The following ELAVL4 variants were observed in gnomAD, a reference collection of about 807,000 sequenced individuals.
ELAVL4 encodes the protein ELAV like RNA binding protein 4.
Under a neutral mutation model 35.6 loss-of-function variants are expected in ELAVL4, and 1 was observed. The ratio of observed to expected loss-of-function variants is 0.03; its 90% confidence interval spans 0.01 to 0.13. The LOEUF (loss-of-function observed/expected upper bound fraction) is 0.13. Ranked by LOEUF, ELAVL4 falls within the 10% of genes least tolerant of loss-of-function variation. The pLI is 1.00. For synonymous variants in ELAVL4, 156 were observed against 171.0 expected (o/e 0.91, Z 0.69); for missense variants, 267 against 464.9 (o/e 0.57, Z 3.91).
At chr1:50,098,766 G>A (rs990270382) in intron 1 of ELAVL4, among the ~76,000 whole-genome samples, 4 of 152,184 alleles carry the variant, frequency 2.6e-5, no homozygotes, top group African/African-American at 4.8e-5. Flanking sequence ...GTGGAGAGTT[G>A]CCTCTTTCTG....
intron 1 of ELAVL4, among the ~76,000 whole-genome samples, chr1:50,096,396 A>G (rs1665717808): frequency 6.7e-6 from 1 of 148,660 alleles, no homozygotes; most frequent in Non-Finnish European, 1.5e-5. Context: ...CAGAGAAGGC[A>G]TTCTAGATGG....
chr1:50,064,394 C>T (rs957969128), intron 1 of ELAVL4, among the ~76,000 whole-genome samples: 1 of 152,100 alleles, frequency 6.6e-6, no homozygotes, highest in African/African-American at 2.4e-5. Flanking sequence ...GCCCTTTTCT[C>T]TATCTTTTTT....
chr1:50,199,234 G>A (rs1304544425), intron 6 of ELAVL4, among the ~76,000 whole-genome samples: 1 of 152,158 alleles, frequency 6.6e-6, no homozygotes, highest in Non-Finnish European at 1.5e-5. Context: ...CCAAATTCTA[G>A]TTAGATACAG....
At chr1:50,197,322 T>C (rs1007533099) in intron 5 of ELAVL4, 107 bp from the exon 6 acceptor site, 5 of 1,188,140 alleles carry the variant, frequency 4.2e-6, no homozygotes, top group Non-Finnish European at 4.6e-6. Context: ...GTGGGGAAAG[T>C]TGTTGAGCTT....
chr1:50,117,135 G>A lies in ELAVL4; in HGVS notation c.9+7937G>A, dbSNP rs146365170. Among the ~76,000 whole-genome samples, 72 of 152,104 alleles carry A rather than the reference G, an allele frequency of 4.7e-4. No homozygotes were observed. The East Asian group carries it at 0.012, about 26-fold the overall frequency. On this transcript the variant is annotated intron_variant, in intron 1 of 6. Coordinates refer to ENST00000371824, the MANE Select transcript of ELAVL4 (RefSeq NM_001144774.3). ...TTTATTTTGGAGTTTCTCTGTTTTA[G>A]GTGACTTTGGGGGAGGATAACTTTC...
intron 3 of ELAVL4, among the ~76,000 whole-genome samples, chr1:50,182,943 C>T (rs921619555): frequency 2.0e-5 from 3 of 151,738 alleles, no homozygotes; most frequent in South Asian, 2.1e-4. Flanking sequence ...CCATAACCTC[C>T]ACCTCCCGGG....
intron 1 of ELAVL4, among the ~76,000 whole-genome samples, chr1:50,139,696 G>A (rs557045533): frequency 6.6e-6 from 1 of 152,302 alleles, no homozygotes; most frequent in African/African-American, 2.4e-5. Flanking sequence ...TGAGAGAGGT[G>A]CCAGAAGGGA....
chr1:50,115,338 T>C (rs2148559700), intron 1 of ELAVL4: 1 of 152,230 alleles, frequency 6.6e-6, no homozygotes, highest in Admixed American at 6.5e-5. Context: ...GTCAGTGTAA[T>C]TTTTGTGCTT....
At chr1:50,052,245 A>G (rs1330617878) in intron 1 of ELAVL4, among the ~76,000 whole-genome samples, 1 of 152,194 alleles carries the variant, frequency 6.6e-6, no homozygotes, top group African/African-American at 2.4e-5. Flanking sequence ...TTGTTTTAGA[A>G]CAGTTCAATT....
chr1:50,097,525 G>T (rs994439977), intron 1 of ELAVL4, among the ~76,000 whole-genome samples: 3 of 152,180 alleles, frequency 2.0e-5, no homozygotes, highest in African/African-American at 7.2e-5. Context: ...AGGAGAAGTG[G>T]TTTGCCTGAG....
intron 2 of ELAVL4, among the ~76,000 whole-genome samples, chr1:50,176,149 T>C (rs748902674): frequency 2.6e-4 from 40 of 152,338 alleles, no homozygotes; most frequent in Middle Eastern, 3.4e-3. Flanking sequence ...TTTATTTCAC[T>C]TGGGGGGAGC....
At chr1:50,150,144 G>A (rs1387618427) in intron 2 of ELAVL4, among the ~76,000 whole-genome samples, 1 of 152,150 alleles carries the variant, frequency 6.6e-6, no homozygotes, top group Non-Finnish European at 1.5e-5. Context: ...TGTCTCTTTG[G>A]AAGCAGTGGT....
chr1:50,106,327 G>C (rs1666301624), upstream of ELAVL4: 1 of 1,613,664 alleles, frequency 6.2e-7, no homozygotes, highest in Non-Finnish European at 8.5e-7. Flanking sequence ...GCAAGGGGCT[G>C]ACTGATATGA....
chr1:50,150,230 A>T, intron 2 of ELAVL4, among the ~76,000 whole-genome samples: 1 of 152,332 alleles, frequency 6.6e-6, no homozygotes, highest in South Asian at 2.1e-4. Flanking sequence ...ACCCCAATGG[A>T]CAAAGACAAC....
chr1:50,062,329 ACTT>A (rs1356316818), intron 1 of ELAVL4, among the ~76,000 whole-genome samples: 1 of 152,000 alleles, frequency 6.6e-6, no homozygotes, highest in Non-Finnish European at 1.5e-5. Flanking sequence ...GTCATTTCTC[ACTT>A]CTTCTACCTC....
intron 2 of ELAVL4, among the ~76,000 whole-genome samples, chr1:50,165,457 TACAC>T (rs542493288): frequency 2.0e-5 from 3 of 148,962 alleles, no homozygotes; most frequent in East Asian, 2.0e-4. Context: ...TAGATATAGA[TACAC>T]ACACACACAC....
At chr1:50,165,817 T>C (rs897186640) in intron 2 of ELAVL4, among the ~76,000 whole-genome samples, 3 of 151,248 alleles carry the variant, frequency 2.0e-5, no homozygotes, top group African/African-American at 4.9e-5. Context: ...TGTGTGTATA[T>C]ATATATGTGT....
In ELAVL4 at chr1:50,200,938, C is replaced by A. The variant is rs1644363489; in HGVS notation, c.861C>A (p.Val287=). Residue 287 remains valine (V), a synonymous_variant, in exon 7 of 7, where the codon GTC becomes GTA. Transcript: ENST00000371824. ...CAGGAACTGGGTGGTGCATCTTTGT[C>A]TACAACCTGTCCCCCGATTCCGATG... ...GHTGTGWCIF[V]YNLSPDSDES... 1 of 1,613,986 alleles carries A rather than the reference C, an allele frequency of 6.2e-7. No individual in the cohort carries two copies. Among genetic ancestry groups the A allele is most frequent in the African/African-American group, 1.3e-5 (1 of 74,908 alleles).
At chr1:50,066,658 T>A (rs1334295471) in intron 1 of ELAVL4, among the ~76,000 whole-genome samples, 1 of 152,144 alleles carries the variant, frequency 6.6e-6, no homozygotes, top group South Asian at 2.1e-4. Context: ...AAAATACATG[T>A]AGTAATTGTT....
Sources: allele counts gnomAD v4.1 joint callset (sites outside exome capture counted in the v4.1 genomes callset), GRCh38; gene constraint gnomAD v4.1.1; transcripts MANE v1.5; gene names NCBI Gene and HGNC (gene_info 2026-07-23, HGNC 2026-07-21).